The following VEGFC variants were observed in gnomAD, a reference collection of about 807,000 sequenced individuals.
VEGFC encodes vascular endothelial growth factor C.
Under a neutral mutation model 46.1 loss-of-function variants are expected in VEGFC, and 12 were observed. The observed-to-expected ratio is 0.26, with a 90% confidence interval of 0.17 to 0.42. The LOEUF is 0.42. Among genes scored for constraint, VEGFC ranks in the 10% least tolerant of loss-of-function variants. VEGFC has a pLI of 1.00. For synonymous variants in VEGFC, 232 were observed against 195.5 expected (o/e 1.19, Z -1.56); for missense variants, 488 against 529.4 (o/e 0.92, Z 0.77).
intron 1 of VEGFC, among the ~76,000 whole-genome samples, chr4:176,772,173 T>C (rs1227936076): frequency 1.3e-5 from 2 of 152,106 alleles, no homozygotes; most frequent in Admixed American, 6.6e-5. Flanking sequence ...TTAAAGAAAA[T>C]ATTTTAATGT....
At chr4:176,736,019 T>G (rs1735047223) in intron 1 of VEGFC, among the ~76,000 whole-genome samples, 1 of 151,822 alleles carries the variant, frequency 6.6e-6, no homozygotes, top group African/African-American at 2.4e-5. Flanking sequence ...ATTTACCTCA[T>G]TACATGCTAG....
Position 176,792,402 on chromosome 4 carries a change from T to G in VEGFC, c.-91A>C. The G allele has an allele frequency of 9.6e-7, 1 of 1,045,132 alleles. No homozygotes were observed. The highest frequency in any genetic ancestry group is 1.3e-6 in the Non-Finnish European group (1 of 777,428). The allele number at this position is 1,045,132 out of a possible 1,614,324, so 64.7% of individuals were successfully genotyped here. A position where few individuals can be genotyped will look rare whatever the true frequency, so the allele number is the denominator to read the frequency against. ...CTGCGAGGCCGCGGGCCCCTCCTGG[T>G]CCCTCTCCCCCGGGCTCCTCCCGGC... is the stretch of plus-strand genomic sequence containing the variant. On this transcript the variant is annotated 5_prime_UTR_variant, in exon 1 of 7. Transcript: ENST00000618562. The surrounding 1 kb of genome is among the most constrained non-coding windows in gnomAD (Gnocchi z 6.3).
chr4:176,769,595 C>G (rs926258159), intron 1 of VEGFC, among the ~76,000 whole-genome samples: 1 of 152,072 alleles, frequency 6.6e-6, no homozygotes, highest in East Asian at 1.9e-4. Context: ...GTCACAAAAC[C>G]TCAAATGAGA....
At chr4:176,698,947 TATTG>T (rs752529754) in intron 4 of VEGFC, among the ~76,000 whole-genome samples, 4 of 152,202 alleles carry the variant, frequency 2.6e-5, no homozygotes, top group Admixed American at 1.3e-4. Context: ...TTAAACTACT[TATTG>T]ATTTACTTCC....
At chr4:176,776,822 T>C (rs968909754) in intron 1 of VEGFC, among the ~76,000 whole-genome samples, 5 of 152,248 alleles carry the variant, frequency 3.3e-5, no homozygotes, top group African/African-American at 1.2e-4. Context: ...GCTTTGGTTT[T>C]TTGTATCTAT....
Position 176,792,462 on chromosome 4 carries a change from G to A in VEGFC, c.-151C>T. On this transcript the variant is annotated 5_prime_UTR_variant, in exon 1 of 7. Coordinates refer to ENST00000618562, the MANE Select transcript of VEGFC (RefSeq NM_005429.5). The surrounding 1 kb of genome is among the most constrained non-coding windows in gnomAD (Gnocchi z 6.3). Reference sequence around the variant, plus strand: ...TGGGCGAGCCGGAGGCGGCGGGAGCGGGTCCGGGGCTCCGCGTTCCCAACT... The same window carrying A: ...TGGGCGAGCCGGAGGCGGCGGGAGCAGGTCCGGGGCTCCGCGTTCCCAACT... 1.9e-6 allele frequency: 1 copy of A among 529,116 alleles called. No homozygotes were observed. Among genetic ancestry groups the A allele is most frequent in the Non-Finnish European group, 3.0e-6 (1 of 332,826 alleles). 32.8% of individuals were successfully genotyped at this position (529,116 alleles called of 1,614,324 possible).
rs146636322 is a variant in VEGFC at position 176,760,457 on chromosome 4, C to T, written c.148-30711G>A. 3.2e-4 allele frequency among the ~76,000 whole-genome samples: 49 copies of T among 152,244 alleles called. No individual in the cohort carries two copies. The East Asian group carries it at 4.2e-3, about 13-fold the overall frequency. ...GGTAGATTTAATCTGACTCAAGCCT[C>T]GCTAAAATATCTTCCAATGTTTTTA... On this transcript the variant is annotated intron_variant, in intron 1 of 6. Transcript: ENST00000618562.
At chr4:176,698,434 A>G (rs1018580254) in intron 4 of VEGFC, among the ~76,000 whole-genome samples, 2 of 152,028 alleles carry the variant, frequency 1.3e-5, no homozygotes, top group African/African-American at 4.8e-5. Context: ...TATATATAAT[A>G]TTCATGCATT....
At chr4:176,685,128 C>G (rs1156435906) in intron 6 of VEGFC, among the ~76,000 whole-genome samples, 1 of 152,160 alleles carries the variant, frequency 6.6e-6, no homozygotes, top group Non-Finnish European at 1.5e-5. Flanking sequence ...AGGTGGAAAT[C>G]AAAAGTGTGC....
In VEGFC at chr4:176,692,698, A is replaced by C. The variant is rs529313224; in HGVS notation, c.705-4771T>G. Among the ~76,000 whole-genome samples the C allele has an allele frequency of 1.0e-3, 155 of 149,080 alleles. 1 individual carries two copies. Among genetic ancestry groups the C allele is most frequent in the Admixed American group, 4.6e-4 (7 of 15,086 alleles). On this transcript the variant is annotated intron_variant, in intron 4 of 6. Transcript: ENST00000618562. ...AGGGCACAGACAAACAAAAAGACAG[A>C]AGTAACTTCTGCAGACTTAAATGTC...
intron 1 of VEGFC, 103 bp from the exon 2 acceptor site, chr4:176,729,849 C>T: frequency 1.5e-6 from 1 of 685,920 alleles, no homozygotes. Flanking sequence ...GCTCCGTTCC[C>T]TAACACAAAT....
intron 1 of VEGFC, among the ~76,000 whole-genome samples, chr4:176,745,961 T>C (rs1467563631): frequency 6.6e-6 from 1 of 152,070 alleles, no homozygotes; most frequent in Non-Finnish European, 1.5e-5. Context: ...TTCTAAGACC[T>C]AGGGCTTCCC....
intron 1 of VEGFC, among the ~76,000 whole-genome samples, chr4:176,763,296 A>C (rs986660040): frequency 1.3e-5 from 2 of 152,256 alleles, no homozygotes; most frequent in Non-Finnish European, 2.9e-5. Flanking sequence ...TTAATAATAA[A>C]TGCATATTTG....
intron 3 of VEGFC, among the ~76,000 whole-genome samples, chr4:176,718,817 T>C (rs1202555452): frequency 6.6e-6 from 1 of 152,182 alleles, no homozygotes; most frequent in Non-Finnish European, 1.5e-5. Context: ...TAACTTTTAA[T>C]CCAAATGTGT....
rs1208632677 is a variant in VEGFC, at chr4:176,687,912, G to C, written c.720C>G (p.Asn240Lys). 6.2e-7 allele frequency: 1 copy of C among 1,612,142 alleles called. No homozygotes were observed. Among genetic ancestry groups the C allele is most frequent in the Admixed American group, 1.7e-5 (1 of 59,752 alleles). Reference sequence around the variant, plus strand: ...ACATGTAATTGGTGGGGCAGGTCTTGTTCGCTGCCTGACACCTTTGGAAGA... The same window carrying C: ...ACATGTAATTGGTGGGGCAGGTCTTCTTCGCTGCCTGACACCTTTGGAAGA... ...PATLPQCQAA[N>K]KTCPTNYMWN... Residue 240 changes from asparagine to lysine, a missense_variant, in exon 5 of 7, where the codon AAC becomes AAG. Asn to Lys is a moderately conservative substitution (Grantham distance 94). Coordinates refer to ENST00000618562, the MANE Select transcript of VEGFC (RefSeq NM_005429.5).
intron 4 of VEGFC, among the ~76,000 whole-genome samples, chr4:176,706,724 T>G (rs1164234956): frequency 1.3e-5 from 2 of 151,822 alleles, no homozygotes; most frequent in Admixed American, 1.3e-4. Flanking sequence ...TTTTCTAGGC[T>G]TTTCAAAAAT....
In VEGFC at chr4:176,687,483, G is replaced by A. The variant is rs748304588; in HGVS notation, c.849C>T (p.Asn283=). 11 of 1,612,684 alleles carry A rather than the reference G, an allele frequency of 6.8e-6. No homozygotes were observed. Among genetic ancestry groups the A allele is most frequent in the African/African-American group, 1.3e-5 (1 of 74,932 alleles). The change falls in exon 6 of 7, where the codon AAC becomes AAT. Residue 283 remains asparagine, a synonymous_variant. Coordinates refer to ENST00000618562, the MANE Select transcript of VEGFC (RefSeq NM_005429.5). ...TDGFHDICGP[N]KELDEETCQC... is the part of the protein sequence containing the mutation. The stretch of plus-strand genomic sequence containing the variant: ...GACAGGTCTCTTCATCCAGCTCCTT[G>A]TTTGGTCCACAGATGTCATGGAATC...
chr4:176,683,825 T>C lies in VEGFC; in HGVS notation c.*101A>G, dbSNP rs952675749. The C allele has an allele frequency of 1.6e-5, 15 of 926,936 alleles. No individual in the cohort carries two copies. Among genetic ancestry groups the C allele is most frequent in the Non-Finnish European group, 2.4e-5 (14 of 585,018 alleles). 57.4% of individuals were successfully genotyped at this position (926,936 alleles called of 1,614,324 possible). A position where few individuals can be genotyped will look rare whatever the true frequency, so the allele number is the denominator to read the frequency against. Reference sequence around the variant, plus strand: ...CAGGAAAGACAGACTTTTGTCTTTGTTAGCATGGACCCACAAGGGTCTCTC... The same window carrying C: ...CAGGAAAGACAGACTTTTGTCTTTGCTAGCATGGACCCACAAGGGTCTCTC... On this transcript the variant is annotated 3_prime_UTR_variant, in exon 7 of 7. Transcript: ENST00000618562.
intron 4 of VEGFC, among the ~76,000 whole-genome samples, chr4:176,699,149 A>C (rs1213447567): frequency 1.3e-5 from 2 of 152,186 alleles, no homozygotes; most frequent in African/African-American, 4.8e-5. Flanking sequence ...ACAACAAATA[A>C]AAATTTGGCT....
Sources: gnomAD v4.1 joint callset for allele counts (sites outside exome capture counted in the v4.1 genomes callset) on GRCh38, gnomAD v4.1.1 for gene constraint, Gnocchi (gnomAD v3.1) non-coding constraint, MANE v1.5 for transcripts, NCBI Gene and HGNC (gene_info 2026-07-23, HGNC 2026-07-21) for gene names.